Variants in FLT1 observed in about 807,000 individuals in gnomAD.
FLT1 encodes the protein fms related receptor tyrosine kinase 1.
FLT1 carries 49 observed loss-of-function variants against 156.3 expected under a neutral mutation model. The observed-to-expected ratio is 0.31, with a 90% CI of 0.25 to 0.40. The LOEUF is 0.40. Among genes scored for constraint, FLT1 ranks in the 10% least tolerant of loss-of-function variants. The probability of loss-of-function intolerance (pLI) is 1.00; values close to 1 mark genes in which losing one functional copy is unlikely to be tolerated. For synonymous variants in FLT1, 594 were observed against 583.8 expected (o/e 1.02, Z -0.25); for missense variants, 1,322 against 1,637.2 (o/e 0.81, Z 3.32).
chr13:28,322,745 G>T lies in FLT1; in HGVS notation c.2953+45C>A. ...AAATTTCAGAGATGCATAGTATGTT[G>T]TAAAAATATCTCAGCGCGTAGGACA... On this transcript the variant is annotated intron_variant, in intron 21 of 29. Transcript: ENST00000282397. This position sits in a 1 kb window ranked among gnomAD's most constrained non-coding sequence, Gnocchi z 4.3. The T allele has an allele frequency of 6.3e-7, 1 of 1,590,430 alleles. No individual in the cohort carries two copies. Among genetic ancestry groups the T allele is most frequent in the Non-Finnish European group, 8.6e-7 (1 of 1,160,162 alleles).
At chr13:28,421,572 A>G (rs7328903) in intron 10 of FLT1, among the ~76,000 whole-genome samples, 112,717 of 151,560 alleles carry the variant, frequency 0.74, 42,036 homozygotes, top group Non-Finnish European at 0.75. Context: ...TAACATTATA[A>G]TCACAGAGTC....
intron 14 of FLT1, among the ~76,000 whole-genome samples, chr13:28,360,817 A>T (rs76875717): frequency 0.014 from 2,187 of 152,338 alleles, 21 homozygotes; most frequent in South Asian, 0.034. Flanking sequence ...CACATTTCAA[A>T]ATAGCTAAAA....
At chr13:28,307,830 G>A (rs1303861531) in intron 28 of FLT1, among the ~76,000 whole-genome samples, 1 of 151,842 alleles carries the variant, frequency 6.6e-6, no homozygotes, top group East Asian at 1.9e-4. Flanking sequence ...AGAGTGCAGT[G>A]GCGCGATCTC....
chr13:28,313,934 C>T (rs945074299), intron 25 of FLT1, among the ~76,000 whole-genome samples: 1 of 150,268 alleles, frequency 6.7e-6, no homozygotes, highest in East Asian at 1.9e-4. Context: ...TGGTGGCTCA[C>T]ACCTGTAGTC....
chr13:28,397,299 GAGGGTTTC>G (rs777954832), intron 11 of FLT1, among the ~76,000 whole-genome samples: 11 of 152,166 alleles, frequency 7.2e-5, no homozygotes, highest in Non-Finnish European at 1.3e-4. Context: ...CGACTCATAT[GAGGGTTTC>G]AGGCTTATTT....
At chr13:28,479,449 T>C (rs1234519419) in intron 1 of FLT1, among the ~76,000 whole-genome samples, 4 of 152,214 alleles carry the variant, frequency 2.6e-5, no homozygotes, top group Non-Finnish European at 5.9e-5. Flanking sequence ...TTTCACATTT[T>C]CTTAAGATAT....
chr13:28,462,017 A>T (rs932383800), intron 3 of FLT1, among the ~76,000 whole-genome samples: 1 of 152,204 alleles, frequency 6.6e-6, no homozygotes, highest in Non-Finnish European at 1.5e-5. Context: ...ACTAGAAGGG[A>T]TCCACCCAGC....
chr13:28,463,176 A>G (rs1879682366), intron 3 of FLT1, among the ~76,000 whole-genome samples: 3 of 152,134 alleles, frequency 2.0e-5, no homozygotes, highest in Admixed American at 1.3e-4. Flanking sequence ...TAATTAAGTA[A>G]AGTAGTTAAA....
At chr13:28,449,642 C>A (rs1383537030) in intron 3 of FLT1, among the ~76,000 whole-genome samples, 1 of 152,132 alleles carries the variant, frequency 6.6e-6, no homozygotes, top group African/African-American at 2.4e-5. Flanking sequence ...TCTATTTGAG[C>A]AGGGTAAACT....
At chr13:28,484,257 A>G (rs982671025) in intron 1 of FLT1, among the ~76,000 whole-genome samples, 3 of 152,210 alleles carry the variant, frequency 2.0e-5, no homozygotes, top group African/African-American at 7.2e-5. Context: ...AAAAGCTGTG[A>G]GCTTTCTGGA....
Position 28,433,969 on chromosome 13 carries a change from A to G in FLT1, c.677-14T>C, listed in dbSNP as rs1234030089. On this transcript the variant is annotated splice_polypyrimidine_tract_variant and intron_variant, in intron 5 of 29. Coordinates refer to ENST00000282397, the MANE Select transcript of FLT1 (RefSeq NM_002019.4). ...TGATTGTATTGGCTGCAAGCATAAGAGAGAAATTTTTTAAAATTAAGATTT... is the reference window on the plus strand; with the variant it reads ...TGATTGTATTGGCTGCAAGCATAAGGGAGAAATTTTTTAAAATTAAGATTT... 2.5e-6 allele frequency: 4 copies of G among 1,614,142 alleles called. No homozygotes were observed. The highest frequency in any genetic ancestry group is 3.3e-5 in the Admixed American group (2 of 60,026).
intron 20 of FLT1, among the ~76,000 whole-genome samples, chr13:28,326,694 T>A (rs1370897204): frequency 2.0e-5 from 3 of 151,866 alleles, no homozygotes; most frequent in African/African-American, 7.3e-5. Flanking sequence ...CCTGGCTAAT[T>A]TTTGTATTTT....
Position 28,427,802 on chromosome 13 carries a change from A to G in FLT1, c.1226T>C (p.Ile409Thr), listed in dbSNP as rs748146139. The G allele has an allele frequency of 1.2e-6, 2 of 1,613,880 alleles. No individual in the cohort carries two copies. Among genetic ancestry groups the G allele is most frequent in the South Asian group, 1.1e-5 (1 of 91,078 alleles). The part of the protein sequence containing the change: ...DAGNYTILLS[I>T]KQSNVFKNLT... Reference sequence around the variant, plus strand: ...GTTTTTAAACACATTTGACTGTTTTATGCTCAGCAAGATTGTATAATTCCC... The same window carrying G: ...GTTTTTAAACACATTTGACTGTTTTGTGCTCAGCAAGATTGTATAATTCCC... The change falls in exon 9 of 30, where the codon ATA (isoleucine) becomes ACA (threonine). Residue 409 changes from isoleucine to threonine, a missense_variant. Ile to Thr is a moderately conservative substitution (Grantham distance 89). Coordinates refer to ENST00000282397, the MANE Select transcript of FLT1 (RefSeq NM_002019.4).
rs1350981115 is a variant in FLT1 at position 28,466,915 on chromosome 13, T to G, written c.376A>C (p.Ile126Leu). ...KKKETESAIYIFISDTGRPFV... is the reference protein window; with the variant it reads ...KKKETESAIYLFISDTGRPFV... ...ATGGAAGTCTTACCACTAATAAATA[T>G]ATAGATTGCAGATTCTGTTTCCTTC... The change falls in exon 3 of 30, where the codon ATA becomes CTA. Residue 126 changes from isoleucine to leucine, a missense_variant. Transcript: ENST00000282397. 6.2e-7 allele frequency: 1 copy of G among 1,604,944 alleles called. No homozygotes were observed. Among genetic ancestry groups the G allele is most frequent in the African/African-American group, 1.3e-5 (1 of 74,738 alleles).
intron 25 of FLT1, 128 bp from the exon 26 acceptor site, chr13:28,312,226 G>A: frequency 1.4e-6 from 1 of 714,156 alleles, no homozygotes; most frequent in Non-Finnish European, 2.5e-6. Flanking sequence ...ATGTGACCCT[G>A]CTTCATTTTT....
chr13:28,394,061 CAT>C (rs938806547), intron 12 of FLT1, among the ~76,000 whole-genome samples: 3 of 152,046 alleles, frequency 2.0e-5, no homozygotes, highest in Non-Finnish European at 4.4e-5. Flanking sequence ...AAAAAATAAA[CAT>C]ATGAGGTACA....
chr13:28,316,975 G>C (rs984911302), intron 25 of FLT1, among the ~76,000 whole-genome samples: 2 of 152,202 alleles, frequency 1.3e-5, no homozygotes, highest in African/African-American at 4.8e-5. Flanking sequence ...AAAGCCTTCT[G>C]TGAAGCATAA....
intron 3 of FLT1, among the ~76,000 whole-genome samples, chr13:28,448,672 T>C (rs1040847315): frequency 3.9e-5 from 6 of 152,198 alleles, no homozygotes; most frequent in Admixed American, 2.6e-4. Context: ...AAATTGACCG[T>C]GATGATGATG....
chr13:28,390,255 A>G (rs1450083336), intron 12 of FLT1, 151 bp from the exon 13 acceptor site: 10 of 1,006,254 alleles, frequency 9.9e-6, no homozygotes, highest in Non-Finnish European at 1.4e-5. Flanking sequence ...CAAACACAGC[A>G]GGTGGGAATC....
Sources: allele counts gnomAD v4.1 joint callset (sites outside exome capture counted in the v4.1 genomes callset), GRCh38; gene constraint gnomAD v4.1.1; non-coding constraint Gnocchi (gnomAD v3.1); transcripts MANE v1.5; gene names NCBI Gene and HGNC (gene_info 2026-07-23, HGNC 2026-07-21).